Variants in SPG21 observed in about 807,000 individuals in gnomAD.
SPG21 encodes maspardin.
Under a neutral mutation model 38.9 loss-of-function variants are expected in SPG21, and 26 were observed. The ratio of observed to expected loss-of-function variants is 0.67; its 90% CI spans 0.49 to 0.93. The LOEUF (loss-of-function observed/expected upper bound fraction) is 0.93, where lower values mean the gene tolerates loss of function less well. Ranked by LOEUF, SPG21 falls within the 40% of genes least tolerant of loss-of-function variation. SPG21 has a pLI of 0.00. For synonymous variants in SPG21, 136 were observed against 128.9 expected, an observed-to-expected ratio of 1.05 and a Z score of -0.37; for missense variants, 333 against 376.5, an observed-to-expected ratio of 0.88 and a Z score of 0.96.
chr15:64,970,066 GA>G (rs1329897496), intron 6 of SPG21, 47 bp downstream of exon 6: 1 of 1,464,436 alleles, frequency 6.8e-7, no homozygotes, highest in Admixed American at 1.7e-5. Context: ...AAGTAGATGT[GA>G]AAATTCCCAA....
chr15:64,984,527 G>C (rs1417029312), intron 1 of SPG21, among the ~76,000 whole-genome samples: 1 of 151,764 alleles, frequency 6.6e-6, no homozygotes, highest in East Asian at 1.9e-4. Context: ...TGAATTTTTT[G>C]GTTTTGTAGA....
At chr15:64,987,959 G>C (rs57888211) in intron 1 of SPG21, among the ~76,000 whole-genome samples, 84 of 152,300 alleles carry the variant, frequency 5.5e-4, no homozygotes, top group African/African-American at 2.0e-3. Flanking sequence ...ACTTGAACCC[G>C]GGAGGCAGAG....
intron 3 of SPG21, among the ~76,000 whole-genome samples, chr15:64,979,273 G>C (rs372319726): frequency 3.3e-5 from 5 of 152,130 alleles, no homozygotes; most frequent in Non-Finnish European, 5.9e-5. Context: ...CAGCACTCCC[G>C]AGTGGGACGG....
chr15:64,975,349 G>A (rs562893556), intron 4 of SPG21, among the ~76,000 whole-genome samples: 13 of 148,548 alleles, frequency 8.8e-5, no homozygotes, highest in South Asian at 4.3e-4. Context: ...GGGAAATATG[G>A]AAAAGGCCTG....
At chr15:64,979,238 G>GTGGAGCGAGAAACACACTGCT (rs2085840444) in intron 3 of SPG21, among the ~76,000 whole-genome samples, 1 of 152,202 alleles carries the variant, frequency 6.6e-6, no homozygotes, top group African/African-American at 2.4e-5. Flanking sequence ...ACCTGCCACT[G>GTGGAGCGAGAAACACACTGCT]TGGAGCGAGA....
intron 8 of SPG21, among the ~76,000 whole-genome samples, chr15:64,964,804 T>C (rs952971516): frequency 5.9e-5 from 9 of 152,074 alleles, no homozygotes; most frequent in African/African-American, 2.2e-4. Flanking sequence ...CTAATTTTTT[T>C]TGTATTTTTA....
intron 1 of SPG21, chr15:64,987,398 C>T (rs2086017303): frequency 6.6e-6 from 1 of 152,208 alleles, no homozygotes; most frequent in Non-Finnish European, 1.5e-5. Context: ...AAAGGGAAAA[C>T]AGCTGTGAGT....
chr15:64,976,880 A>G (rs2085787018), intron 3 of SPG21, among the ~76,000 whole-genome samples: 1 of 152,240 alleles, frequency 6.6e-6, no homozygotes, highest in African/African-American at 2.4e-5. Flanking sequence ...CCATTCCAGT[A>G]AAGAAATACC....
At chr15:64,985,762 C>T (rs149733799) in intron 1 of SPG21, among the ~76,000 whole-genome samples, 141 of 152,270 alleles carry the variant, frequency 9.3e-4, no homozygotes, top group African/African-American at 3.3e-3. Flanking sequence ...TGGTGGCCCT[C>T]GAGATCTGCT....
intron 4 of SPG21, among the ~76,000 whole-genome samples, chr15:64,975,140 T>C (rs920893067): frequency 1.3e-5 from 2 of 151,538 alleles, no homozygotes; most frequent in African/African-American, 4.8e-5. Flanking sequence ...ACAAAAAAAC[T>C]AGCCAGGCAT....
intron 5 of SPG21, among the ~76,000 whole-genome samples, chr15:64,974,342 A>C (rs540669809): frequency 6.6e-6 from 1 of 152,084 alleles, no homozygotes; most frequent in South Asian, 2.1e-4. Flanking sequence ...GGTGCCATGC[A>C]TGCCTGCCTG....
intron 7 of SPG21, among the ~76,000 whole-genome samples, chr15:64,967,928 A>G (rs116549874): frequency 0.012 from 1,784 of 152,248 alleles, 36 homozygotes; most frequent in African/African-American, 0.039. Context: ...TTTTACACCA[A>G]TGTTCATAGA....
At chr15:64,977,277 C>T (rs1359658752) in intron 3 of SPG21, among the ~76,000 whole-genome samples, 1 of 152,156 alleles carries the variant, frequency 6.6e-6, no homozygotes, top group Non-Finnish European at 1.5e-5. Flanking sequence ...GTTGGCCAGG[C>T]TAGTCTCGAA....
chr15:64,965,621 C>A (rs2085526634), intron 7 of SPG21, among the ~76,000 whole-genome samples, 161 bp from the exon 8 acceptor site: 1 of 152,194 alleles, frequency 6.6e-6, no homozygotes, highest in Admixed American at 6.5e-5. Context: ...CCCCCAGCAG[C>A]CTGAACTACC....
At chr15:64,986,500 A>G (rs1314189411) in intron 1 of SPG21, among the ~76,000 whole-genome samples, 2 of 152,148 alleles carry the variant, frequency 1.3e-5, no homozygotes, top group South Asian at 4.1e-4. Flanking sequence ...AGCCTGACCA[A>G]CATGGCGAAA....
intron 8 of SPG21, among the ~76,000 whole-genome samples, chr15:64,964,160 T>G (rs563327280): frequency 1.3e-5 from 2 of 152,352 alleles, no homozygotes; most frequent in African/African-American, 4.8e-5. Context: ...GTTTTATACT[T>G]CTAAAATTTA....
Position 64,974,605 on chromosome 15 carries a change from T to C in SPG21, c.449A>G (p.Asn150Ser). Residue 150 changes from asparagine (N) to serine (S), a missense_variant, in exon 5 of 9, where the codon AAC becomes AGC. By Grantham distance (46) the Asn-to-Ser change is conservative. Coordinates refer to ENST00000204566, the MANE Select transcript of SPG21 (RefSeq NM_016630.7). ...TSIFNQTWTA[N>S]SFWLMPAFML... is the part of the protein sequence containing the mutation. ...AAAAAAGTAATTTTGTTCTTACCTG[T>C]TTGCAGTCCAAGTTTGGTTGAAGAT... is the stretch of plus-strand genomic sequence containing the variant. 1 of 1,614,170 alleles carries C rather than the reference T, an allele frequency of 6.2e-7. No homozygotes were observed. Among genetic ancestry groups the C allele is most frequent in the African/African-American group, 1.3e-5 (1 of 75,030 alleles).
rs2085632649 is a variant in SPG21, at chr15:64,970,140, C to T, written c.535G>A (p.Asp179Asn). ...SSGPVDPMMA[D>N]AIDFMVDRLE... ...CTGTCTACCATGAAATCAATGGCAT[C>T]AGCCATCATAGGGTCCACCGGGCCA... is the stretch of plus-strand genomic sequence containing the variant. Residue 179 changes from aspartate to asparagine, a missense_variant, in exon 6 of 9, where the codon GAT (aspartate) becomes AAT (asparagine). Transcript: ENST00000204566. The T allele has an allele frequency of 6.2e-7, 1 of 1,613,986 alleles. No homozygotes were observed. The highest frequency in any genetic ancestry group is 1.3e-5 in the African/African-American group (1 of 75,028).
intron 2 of SPG21, chr15:64,982,823 T>C (rs2085908397): frequency 6.6e-6 from 1 of 152,238 alleles, no homozygotes; most frequent in Admixed American, 6.5e-5. Flanking sequence ...AGAAGCTCTA[T>C]AATGTGACCC....
Sources: allele counts gnomAD v4.1 joint callset (sites outside exome capture counted in the v4.1 genomes callset), GRCh38; gene constraint gnomAD v4.1.1; transcripts MANE v1.5; gene names NCBI Gene and HGNC (gene_info 2026-07-23, HGNC 2026-07-21).